EPG5: variants seen among roughly 807,000 people sequenced by gnomAD.
EPG5 encodes ectopic P granules protein 5 homolog.
A neutral mutation model predicts 302.7 loss-of-function variants in EPG5; 159 were observed. The ratio of observed to expected loss-of-function variants is 0.53; its 90% CI spans 0.46 to 0.60. EPG5 has a LOEUF of 0.60. Ranked by LOEUF, EPG5 falls within the 20% of genes least tolerant of loss-of-function variation. The probability of loss-of-function intolerance (pLI) is 0.00; values close to 1 mark genes in which losing one functional copy is unlikely to be tolerated. For synonymous variants in EPG5, 1,158 were observed against 1,136.8 expected (o/e 1.02, Z -0.37); for missense variants, 2,896 against 3,092.4 (o/e 0.94, Z 1.51).
the EPG5 span, among the ~76,000 whole-genome samples, chr18:45,839,656 G>T: frequency 6.6e-6 from 1 of 152,144 alleles, no homozygotes; most frequent in African/African-American, 2.4e-5. Flanking sequence ...CACACAAGCC[G>T]TGCTGGGAGA....
At chr18:45,923,442 G>C in intron 14 of EPG5, 55 bp from the exon 15 acceptor site, 1 of 1,575,734 alleles carries the variant, frequency 6.3e-7, no homozygotes, top group Non-Finnish European at 8.6e-7. Flanking sequence ...TTTTGTTTTT[G>C]TACCTTTGAA....
chr18:45,890,062 AC>A, intron 27 of EPG5, 122 bp from the exon 28 acceptor site: 1 of 700,416 alleles, frequency 1.4e-6, no homozygotes, highest in Non-Finnish European at 2.2e-6. Flanking sequence ...TCTTTATATG[AC>A]TGCCTTATAA....
At chr18:45,836,995 CG>C in the EPG5 span, 4 of 1,084,252 alleles carry the variant, frequency 3.7e-6, no homozygotes, top group East Asian at 9.4e-5. Flanking sequence ...AGTTTATTCA[CG>C]TGTAACCCGG....
At chr18:45,913,639 G>T in intron 21 of EPG5, 67 bp downstream of exon 21, 1 of 1,580,766 alleles carries the variant, frequency 6.3e-7, no homozygotes, top group Non-Finnish European at 8.6e-7. Flanking sequence ...AAAAGCTACG[G>T]GTGAATCCAT....
chr18:45,907,133 G>T (rs1157400538), intron 24 of EPG5: 2 of 152,208 alleles, frequency 1.3e-5, no homozygotes, highest in Non-Finnish European at 2.9e-5. Flanking sequence ...GGCAAGGAAT[G>T]AAGGAAAGAA....
intron 29 of EPG5, among the ~76,000 whole-genome samples, chr18:45,886,949 C>G (rs1350342225): frequency 1.3e-5 from 2 of 152,132 alleles, no homozygotes; most frequent in Non-Finnish European, 2.9e-5. Flanking sequence ...TGAGCCACCC[C>G]ACCGGACCAG....
chr18:45,814,256 G>T, the EPG5 span, among the ~76,000 whole-genome samples: 4 of 152,172 alleles, frequency 2.6e-5, no homozygotes, highest in South Asian at 8.3e-4. Flanking sequence ...CACTAATCAT[G>T]AGGAAGGACG....
At chr18:45,819,868 T>G in the EPG5 span, among the ~76,000 whole-genome samples, 76 of 152,214 alleles carry the variant, frequency 5.0e-4, no homozygotes, top group African/African-American at 1.8e-3. Context: ...ATTTTCCTGA[T>G]GATTAGTTGA....
the EPG5 span, among the ~76,000 whole-genome samples, chr18:45,814,693 T>C: frequency 6.6e-6 from 1 of 152,184 alleles, no homozygotes; most frequent in African/African-American, 2.4e-5. Context: ...AACCCTACTT[T>C]CTTGAAATGA....
chr18:45,936,304 T>C (rs911953003), intron 10 of EPG5, among the ~76,000 whole-genome samples: 1 of 152,242 alleles, frequency 6.6e-6, no homozygotes, highest in African/African-American at 2.4e-5. Context: ...ATTTTAATTA[T>C]CTGCTACTTA....
intron 16 of EPG5, among the ~76,000 whole-genome samples, chr18:45,919,906 G>A (rs777865400): frequency 2.6e-5 from 4 of 152,140 alleles, no homozygotes; most frequent in South Asian, 2.1e-4. Flanking sequence ...ACAGGAAGCC[G>A]TTAATAACAC....
downstream of EPG5, chr18:45,843,267 C>T (rs1174708272): frequency 2.0e-5 from 3 of 152,328 alleles, no homozygotes; most frequent in Non-Finnish European, 4.4e-5. Context: ...CGCGGGCAGG[C>T]TGACTTGGAG....
At chr18:45,890,004 C>G (rs1472268566) in intron 27 of EPG5, 64 bp from the exon 28 acceptor site, 1 of 1,370,402 alleles carries the variant, frequency 7.3e-7, no homozygotes, top group African/African-American at 1.5e-5. Context: ...CATGAAGACT[C>G]AAACTGAAAT....
chr18:45,891,498 C>CAAAA (rs763632848), intron 27 of EPG5, among the ~76,000 whole-genome samples: 1 of 50,346 alleles, frequency 2.0e-5, no homozygotes, highest in Admixed American at 1.8e-4. Context: ...GACTCCGTCT[C>CAAAA]AAAAAAAAAA....
Position 45,967,224 on chromosome 18 carries a change from TCACCGC to T in EPG5, c.10_15del (p.Ala4_Val5del). 1 of 1,604,438 alleles carries T rather than the reference TCACCGC, an allele frequency of 6.2e-7. No homozygotes were observed. The highest frequency in any genetic ancestry group is 8.5e-7 in the Non-Finnish European group (1 of 1,175,778). ...TTGGCCTTGGCCCGGCGCTGGGGCTTCACCGCCTCGGCCATAGACCCTTCCGCGGCG... is the reference window on the plus strand; with the variant it reads ...TTGGCCTTGGCCCGGCGCTGGGGCTTCTCGGCCATAGACCCTTCCGCGGCG... On this transcript the variant is annotated inframe_deletion, in exon 1 of 44. Transcript: ENST00000282041.
At chr18:45,947,433 TG>T (rs1333314496) in intron 6 of EPG5, among the ~76,000 whole-genome samples, 2 of 151,548 alleles carry the variant, frequency 1.3e-5, no homozygotes, top group Admixed American at 6.6e-5. Flanking sequence ...AAAAAGGTAA[TG>T]GAGAGGCTTG....
At chr18:45,909,356 ACTGGTTAAGG>A (rs1165873394) in intron 23 of EPG5, among the ~76,000 whole-genome samples, 3 of 152,198 alleles carry the variant, frequency 2.0e-5, no homozygotes, top group Admixed American at 6.5e-5. Context: ...AAAGCCGTCC[ACTGGTTAAGG>A]CTGGTTAAAA....
At chr18:45,936,749 C>T (rs2050535356) in intron 10 of EPG5, among the ~76,000 whole-genome samples, 1 of 135,586 alleles carries the variant, frequency 7.4e-6, no homozygotes, top group Admixed American at 7.5e-5. Context: ...AGGAAATCTG[C>T]AAAGGAATGT....
At chr18:45,967,035 G>T in intron 1 of EPG5, 142 bp downstream of exon 1, 1 of 749,900 alleles carries the variant, frequency 1.3e-6, no homozygotes, top group Non-Finnish European at 2.1e-6. Context: ...TCAACGGGTG[G>T]TGGGATCAAA....
Sources: gnomAD v4.1 joint callset for allele counts (sites outside exome capture counted in the v4.1 genomes callset) on GRCh38, gnomAD v4.1.1 for gene constraint, MANE v1.5 for transcripts, NCBI Gene and HGNC (gene_info 2026-07-23, HGNC 2026-07-21) for gene names.